The following CCT3 variants were observed in gnomAD, a reference collection of about 807,000 sequenced individuals.
The protein encoded by CCT3 is chaperonin containing TCP1 subunit 3, also known as T-complex protein 1 subunit gamma.
A neutral mutation model predicts 65.3 loss-of-function variants in CCT3; 10 were observed. The ratio of observed to expected loss-of-function variants is 0.15; its 90% CI spans 0.09 to 0.26. CCT3 has a LOEUF of 0.26. Among genes scored for constraint, CCT3 ranks in the 10% least tolerant of loss-of-function variants. CCT3 has a pLI of 1.00. For synonymous variants in CCT3, 225 were observed against 242.3 expected (o/e 0.93, Z 0.66); for missense variants, 626 against 708.7 (o/e 0.88, Z 1.33).
rs1179162497 is a variant in CCT3 at position 156,334,738 on chromosome 1, T to C, written c.182A>G (p.Asn61Ser). Residue 61 changes from asparagine (N) to serine (S), a missense_variant, in exon 4 of 14, where the codon AAT becomes AGT. Asn to Ser is a conservative substitution (Grantham distance 46, BLOSUM62 1). Transcript: ENST00000295688. ...LDPMGGIVMT[N>S]DGNAILREIQ... Reference sequence around the variant, plus strand: ...CTCTCGAAGAATGGCATTGCCATCATTGGTCATCACAATGCCTCCCATTGG... The same window carrying C: ...CTCTCGAAGAATGGCATTGCCATCACTGGTCATCACAATGCCTCCCATTGG... The C allele has an allele frequency of 3.7e-6, 6 of 1,614,146 alleles. No homozygotes were observed. Among genetic ancestry groups the C allele is most frequent in the East Asian group, 4.5e-5 (2 of 44,878 alleles).
chr1:156,334,508 A>C (rs1379621054), intron 4 of CCT3, among the ~76,000 whole-genome samples: 1 of 152,160 alleles, frequency 6.6e-6, no homozygotes, highest in African/African-American at 2.4e-5. Context: ...GAGACTTCAG[A>C]AGGAGCATGG....
intron 6 of CCT3, among the ~76,000 whole-genome samples, chr1:156,322,904 T>C (rs929558598): frequency 6.6e-6 from 1 of 152,062 alleles, no homozygotes; most frequent in Admixed American, 6.6e-5. Flanking sequence ...AATAAAACCT[T>C]TGGGTACCTC....
chr1:156,318,833 G>GC (rs771135955), intron 8 of CCT3, 35 bp downstream of exon 8: 3 of 1,591,514 alleles, frequency 1.9e-6, no homozygotes, highest in Non-Finnish European at 2.6e-6. Flanking sequence ...TCAGATTCTT[G>GC]CATCTACTTT....
At chr1:156,333,291 CA>C (rs35038881) in intron 5 of CCT3, 75,054 of 235,504 alleles carry the variant, frequency 0.32, 2,504 homozygotes, top group Non-Finnish European at 0.33. Context: ...GACTCTGTCT[CA>C]AAAAAAAAAA....
chr1:156,327,561 G>A (rs555056752), intron 5 of CCT3, among the ~76,000 whole-genome samples: 137 of 152,350 alleles, frequency 9.0e-4, no homozygotes, highest in Admixed American at 2.0e-3. Flanking sequence ...CCGAGGTGCC[G>A]GGATTGCAGA....
Position 156,333,536 on chromosome 1 carries a change from TCTC to T in CCT3, c.304+8_304+10del. 2 of 1,603,920 alleles carry T rather than the reference TCTC, an allele frequency of 1.2e-6. No individual in the cohort carries two copies. Among genetic ancestry groups the T allele is most frequent in the Non-Finnish European group, 1.7e-6 (2 of 1,171,016 alleles). On this transcript the variant is annotated splice_region_variant and intron_variant, in intron 5 of 13. Transcript: ENST00000295688. The stretch of plus-strand genomic sequence containing the variant: ...TAATTTTTCCTTATCAACCTCTTAT[TCTC>T]CTCTTACCAAGAATAATTACTGATG...
At chr1:156,324,090 CAG>C (rs1303063094) in intron 6 of CCT3, among the ~76,000 whole-genome samples, 1 of 148,602 alleles carries the variant, frequency 6.7e-6, no homozygotes, top group Non-Finnish European at 1.5e-5. Context: ...TTTTTTGAGA[CAG>C]AGTCTCACTC....
At chr1:156,325,163 C>G in intron 5 of CCT3, 74 bp from the exon 6 acceptor site, 2 of 1,051,854 alleles carry the variant, frequency 1.9e-6, no homozygotes, top group Non-Finnish European at 2.9e-6. Context: ...ATTATTCTTC[C>G]AAAAAATACT....
At position 156,309,008 on chromosome 1, in the gene CCT3, G is replaced by A. The variant is rs8035; in HGVS notation, c.*191C>T. On this transcript the variant is annotated 3_prime_UTR_variant, in exon 14 of 14. Coordinates refer to ENST00000295688, the MANE Select transcript of CCT3 (RefSeq NM_005998.5). Reference sequence around the variant, plus strand: ...TTAATCATCGGAAGCAAACTAAATGGAAACCTTACAATAGAGAAGAATTAC... The same window carrying A: ...TTAATCATCGGAAGCAAACTAAATGAAAACCTTACAATAGAGAAGAATTAC... The A allele has an allele frequency of 0.018, 8,930 of 492,896 alleles. 103 individuals are homozygous for A. Among genetic ancestry groups the A allele is most frequent in the Non-Finnish European group, 0.023 (6,462 of 277,422 alleles). 30.5% of individuals were successfully genotyped at this position (492,896 alleles called of 1,614,324 possible).
chr1:156,312,290 G>T, intron 10 of CCT3, 69 bp from the exon 11 acceptor site: 1 of 1,467,230 alleles, frequency 6.8e-7, no homozygotes, highest in Non-Finnish European at 9.3e-7. Context: ...CTAGTCTCTA[G>T]GGTCTGTAGC....
At chr1:156,334,642 T>C in intron 4 of CCT3, 71 bp downstream of exon 4, 2 of 1,444,434 alleles carry the variant, frequency 1.4e-6, no homozygotes, top group Non-Finnish European at 1.9e-6. Flanking sequence ...TCAGAGCCTG[T>C]ATCTTAACAG....
intron 1 of CCT3, 192 bp from the exon 2 acceptor site, chr1:156,336,080 AT>A (rs1370034459): frequency 2.1e-6 from 1 of 479,936 alleles, no homozygotes; most frequent in African/African-American, 2.0e-5. Flanking sequence ...CTGTAAACAT[AT>A]GTCCTTATGG....
chr1:156,309,553 A>G (rs775113930), intron 13 of CCT3, among the ~76,000 whole-genome samples: 1 of 151,772 alleles, frequency 6.6e-6, no homozygotes, highest in Non-Finnish European at 1.5e-5. Flanking sequence ...CAGCCTCCCA[A>G]GCAGCTGGGA....
intron 3 of CCT3, 36 bp from the exon 4 acceptor site, chr1:156,334,811 T>G: frequency 6.2e-7 from 1 of 1,613,722 alleles, no homozygotes; most frequent in Non-Finnish European, 8.5e-7. Flanking sequence ...TAAAGTGTCC[T>G]AGATAACAGG....
At chr1:156,337,299 T>G in intron 1 of CCT3, 1 of 298,684 alleles carries the variant, frequency 3.3e-6, no homozygotes. Context: ...TCCCAGCTAC[T>G]CGGGAGGCTA....
intron 1 of CCT3, 170 bp from the exon 2 acceptor site, chr1:156,336,058 T>A: frequency 2.0e-6 from 1 of 498,880 alleles, no homozygotes; most frequent in African/African-American, 1.9e-5. Flanking sequence ...ATGTCAACCA[T>A]ATCTCAAAAA....
chr1:156,328,188 G>C lies in CCT3; in HGVS notation c.305-3099C>G, dbSNP rs1176852140. The stretch of plus-strand genomic sequence containing the variant: ...CTCTGCCCAGCCAGCCGCCCCGTCC[G>C]GGAGGGAGGTGGGGGGGGTCAGTCC... On this transcript the variant is annotated intron_variant, in intron 5 of 13. Coordinates refer to ENST00000295688, the MANE Select transcript of CCT3 (RefSeq NM_005998.5). Among the ~76,000 whole-genome samples, 2 of 114,702 alleles carry C rather than the reference G, an allele frequency of 1.7e-5. 1 individual carries two copies. Among genetic ancestry groups the C allele is most frequent in the Non-Finnish European group, 4.1e-5 (2 of 48,570 alleles). The allele number at this position is 114,702 out of a possible 152,430, so 75.2% of individuals were successfully genotyped here.
rs1272785899 is a variant in CCT3, at chr1:156,317,039, A to G, written c.974+127T>C. On this transcript the variant is annotated intron_variant, in intron 10 of 13. Transcript: ENST00000295688. Reference sequence around the variant, plus strand: ...GGACTTCTGAAGAGGGCAGGCAGCTAAGCCAAGGTTATTTCTACCTGTTAC... The same window carrying G: ...GGACTTCTGAAGAGGGCAGGCAGCTGAGCCAAGGTTATTTCTACCTGTTAC... The G allele has an allele frequency of 7.5e-6, 6 of 803,528 alleles. No homozygotes were observed. In the East Asian group the frequency reaches 1.5e-4, roughly 21 times the overall value. 49.8% of individuals were successfully genotyped at this position (803,528 alleles called of 1,614,324 possible).
chr1:156,336,748 A>G (rs1665391291), intron 1 of CCT3, among the ~76,000 whole-genome samples: 1 of 152,074 alleles, frequency 6.6e-6, no homozygotes, highest in Non-Finnish European at 1.5e-5. Context: ...CCTCTCTCTA[A>G]ATTACCTTCC....
Sources: allele counts gnomAD v4.1 joint callset (sites outside exome capture counted in the v4.1 genomes callset), GRCh38; gene constraint gnomAD v4.1.1; transcripts MANE v1.5; gene names NCBI Gene and HGNC (gene_info 2026-07-23, HGNC 2026-07-21).